Variants in RBPJ observed in about 807,000 individuals in gnomAD.
The protein encoded by RBPJ is recombining binding protein suppressor of hairless.
Under a neutral mutation model 67.8 loss-of-function variants are expected in RBPJ, and 9 were observed. The ratio of observed to expected loss-of-function variants is 0.13; its 90% confidence interval spans 0.08 to 0.23. RBPJ has a LOEUF of 0.23. Ranked by LOEUF, RBPJ falls within the 10% of genes least tolerant of loss-of-function variation. The pLI is 1.00. For missense variants in RBPJ, 305 were observed against 595.6 expected (o/e 0.51, Z 5.08); for synonymous variants, 198 against 203.3 (o/e 0.97, Z 0.22).
intron 1 of RBPJ, among the ~76,000 whole-genome samples, chr4:26,359,514 G>T (rs1347661776): frequency 6.6e-6 from 1 of 151,656 alleles, no homozygotes; most frequent in Non-Finnish European, 1.5e-5. Context: ...GGCTCGGGTG[G>T]GGGTTCCCTT....
At chr4:26,400,386 T>G (rs961659498) in intron 2 of RBPJ, among the ~76,000 whole-genome samples, 10 of 152,224 alleles carry the variant, frequency 6.6e-5, no homozygotes, top group Admixed American at 2.0e-4. Flanking sequence ...CACAGCGCAA[T>G]CTCTCCACAG....
intron 1 of RBPJ, among the ~76,000 whole-genome samples, chr4:26,173,930 A>AT (rs1716703196): frequency 6.6e-6 from 1 of 152,172 alleles, no homozygotes; most frequent in Admixed American, 6.5e-5. Flanking sequence ...GGTGTGTACA[A>AT]AGTACCGTAG....
At chr4:26,421,702 C>T (rs533410896) in intron 5 of RBPJ, among the ~76,000 whole-genome samples, 1 of 152,256 alleles carries the variant, frequency 6.6e-6, no homozygotes, top group South Asian at 2.1e-4. Context: ...AACACCTCTT[C>T]GTCTTCTAAT....
the RBPJ span, among the ~76,000 whole-genome samples, chr4:26,142,038 T>C: frequency 6.6e-6 from 1 of 151,962 alleles, no homozygotes; most frequent in Non-Finnish European, 1.5e-5. Flanking sequence ...ATGTTCTGTT[T>C]CACGATGTTC....
In RBPJ at chr4:26,434,804, T is replaced by A. The variant is rs1736528257; in HGVS notation, c.*3797T>A. On this transcript the variant is annotated 3_prime_UTR_variant, in exon 11 of 11. Transcript: ENST00000355476. ...GCAATAAGATAGAAAATTGAGCAAG[T>A]TTATACCATAATTTTGTAGAAAAAA... 1 of 152,202 alleles carries A rather than the reference T, an allele frequency of 6.6e-6. No homozygotes were observed. The highest frequency in any genetic ancestry group is 1.5e-5 in the Non-Finnish European group (1 of 68,032). The allele number at this position is 152,202 out of a possible 1,614,324, so 9.4% of individuals were successfully genotyped here.
intron 1 of RBPJ, among the ~76,000 whole-genome samples, chr4:26,251,871 A>T (rs1022212125): frequency 1.3e-5 from 2 of 149,328 alleles, no homozygotes; most frequent in Non-Finnish European, 3.0e-5. Flanking sequence ...AAAAAAAAAA[A>T]AGAAGAGGAG....
chr4:26,120,414 T>C, the RBPJ span, among the ~76,000 whole-genome samples: 1 of 152,362 alleles, frequency 6.6e-6, no homozygotes, highest in Non-Finnish European at 1.5e-5. Flanking sequence ...GAGCCTTCTA[T>C]AGAACACCCA....
the RBPJ span, among the ~76,000 whole-genome samples, chr4:26,127,894 G>T: frequency 6.6e-6 from 1 of 152,214 alleles, no homozygotes; most frequent in African/African-American, 2.4e-5. Context: ...TTTGGCAGCT[G>T]CTCAGAGGGA....
At chr4:26,274,198 A>C (rs192377287) in intron 1 of RBPJ, among the ~76,000 whole-genome samples, 8 of 152,238 alleles carry the variant, frequency 5.3e-5, no homozygotes, top group Admixed American at 4.6e-4. Context: ...GCTCACACCC[A>C]CACCCTGCAT....
At chr4:26,403,018 C>T (rs1733004513) in intron 2 of RBPJ, among the ~76,000 whole-genome samples, 1 of 152,160 alleles carries the variant, frequency 6.6e-6, no homozygotes, top group Non-Finnish European at 1.5e-5. Context: ...GTGTGAGAGC[C>T]TTTTTATAAG....
chr4:26,116,633 T>C, the RBPJ span, among the ~76,000 whole-genome samples: 2 of 152,220 alleles, frequency 1.3e-5, no homozygotes, highest in Non-Finnish European at 2.9e-5. Context: ...CAAAAGCTTC[T>C]TATGCCCATG....
At chr4:26,330,857 A>G (rs570504980) in intron 1 of RBPJ, among the ~76,000 whole-genome samples, 3 of 152,302 alleles carry the variant, frequency 2.0e-5, no homozygotes, top group Non-Finnish European at 2.9e-5. Flanking sequence ...TACTCTTCCT[A>G]TTGAGAAGTA....
At chr4:26,412,407 CT>C (rs1392927423) in intron 3 of RBPJ, among the ~76,000 whole-genome samples, 1 of 151,942 alleles carries the variant, frequency 6.6e-6, no homozygotes, top group Non-Finnish European at 1.5e-5. Context: ...AATTTTTGTA[CT>C]TTTAGTAGAG....
chr4:26,244,395 A>G (rs201185494), intron 1 of RBPJ, among the ~76,000 whole-genome samples: 2 of 98,828 alleles, frequency 2.0e-5, no homozygotes, highest in South Asian at 3.6e-4. Context: ...GTATATATGT[A>G]TGCACATATG....
intron 1 of RBPJ, among the ~76,000 whole-genome samples, chr4:26,191,208 T>TAGAGAGAG (rs1193671956): frequency 2.4e-3 from 64 of 27,230 alleles, no homozygotes; most frequent in Non-Finnish European, 3.1e-3. Flanking sequence ...TATATATATA[T>TAGAGAGAG]ATAGAGAGAG....
At chr4:26,362,583 G>T in intron 1 of RBPJ, 2 of 1,613,680 alleles carry the variant, frequency 1.2e-6, no homozygotes, top group South Asian at 1.1e-5. Context: ...TCCAAGCTGT[G>T]ACTTACCTTA....
At chr4:26,185,599 A>C (rs1005057611) in intron 1 of RBPJ, among the ~76,000 whole-genome samples, 5 of 152,196 alleles carry the variant, frequency 3.3e-5, no homozygotes, top group African/African-American at 1.2e-4. Flanking sequence ...TCTCCACCTC[A>C]GCTTCTGAAT....
chr4:26,330,776 T>G (rs965385899), intron 1 of RBPJ, among the ~76,000 whole-genome samples: 1 of 152,198 alleles, frequency 6.6e-6, no homozygotes, highest in African/African-American at 2.4e-5. Context: ...CTCAGAGGAT[T>G]TGATGAACGA....
intron 1 of RBPJ, among the ~76,000 whole-genome samples, chr4:26,182,788 C>T (rs1281362894): frequency 6.6e-6 from 1 of 152,132 alleles, no homozygotes; most frequent in Non-Finnish European, 1.5e-5. Context: ...TGTGAGCCAC[C>T]ACCCGGCTTA....
Sources: gnomAD v4.1 joint callset for allele counts (sites outside exome capture counted in the v4.1 genomes callset) on GRCh38, gnomAD v4.1.1 for gene constraint, MANE v1.5 for transcripts, NCBI Gene and HGNC (gene_info 2026-07-23, HGNC 2026-07-21) for gene names.